KIAA1549L: variants seen among roughly 807,000 people sequenced by gnomAD.
The protein encoded by KIAA1549L is UPF0606 protein KIAA1549L.
KIAA1549L carries 88 observed loss-of-function variants against 160.7 expected under a neutral mutation model. The ratio of observed to expected loss-of-function variants is 0.55; its 90% CI spans 0.46 to 0.65. KIAA1549L has a LOEUF of 0.65. Among genes scored for constraint, KIAA1549L ranks in the 30% least tolerant of loss-of-function variants. The pLI is 0.00. For synonymous variants in KIAA1549L, 950 were observed against 976.7 expected (o/e 0.97, Z 0.51); for missense variants, 2,258 against 2,437.5 (o/e 0.93, Z 1.55).
chr11:33,656,577 T>C (rs996486221), intron 18 of KIAA1549L, among the ~76,000 whole-genome samples: 3 of 152,168 alleles, frequency 2.0e-5, no homozygotes, highest in African/African-American at 4.8e-5. Flanking sequence ...GCAACACATA[T>C]GTTAAGCATG....
At chr11:33,538,121 A>G (rs916029668) in intron 1 of KIAA1549L, among the ~76,000 whole-genome samples, 14 of 152,222 alleles carry the variant, frequency 9.2e-5, no homozygotes, top group African/African-American at 3.1e-4. Context: ...ACAAGGTGGC[A>G]GGAAGGTAAA....
intron 1 of KIAA1549L, among the ~76,000 whole-genome samples, chr11:33,404,613 G>C (rs1178435685): frequency 6.6e-6 from 1 of 152,106 alleles, no homozygotes; most frequent in Non-Finnish European, 1.5e-5. Context: ...AAAAGAAAAA[G>C]AGATGAAGGT....
At chr11:33,569,979 A>C (rs1007336447) in intron 9 of KIAA1549L, among the ~76,000 whole-genome samples, 2 of 147,026 alleles carry the variant, frequency 1.4e-5, no homozygotes, top group African/African-American at 5.0e-5. Flanking sequence ...GGGCCCAGAG[A>C]GGTGTTCTTT....
intron 1 of KIAA1549L, among the ~76,000 whole-genome samples, chr11:33,487,396 ATTGTT>A (rs1852552392): frequency 8.8e-6 from 1 of 113,372 alleles, no homozygotes; most frequent in African/African-American, 3.4e-5. Context: ...ACCATGGTCT[ATTGTT>A]CTTTTTTTTT....
chr11:33,431,694 G>T (rs190172233), intron 1 of KIAA1549L, among the ~76,000 whole-genome samples: 1 of 152,242 alleles, frequency 6.6e-6, no homozygotes, highest in Non-Finnish European at 1.5e-5. Flanking sequence ...AGTGGATCCC[G>T]CACCGGGGCT....
chr11:33,663,068 CA>C (rs1228322205), intron 20 of KIAA1549L, among the ~76,000 whole-genome samples: 1 of 152,182 alleles, frequency 6.6e-6, no homozygotes, highest in East Asian at 1.9e-4. Flanking sequence ...TGATTTATAG[CA>C]TATGAAAATA....
intron 15 of KIAA1549L, among the ~76,000 whole-genome samples, chr11:33,613,364 A>T (rs959182656): frequency 3.3e-5 from 5 of 152,124 alleles, no homozygotes; most frequent in Admixed American, 3.3e-4. Context: ...AGTGATACTG[A>T]GCTTTTTTCA....
chr11:33,427,720 T>C (rs980449389), intron 1 of KIAA1549L, among the ~76,000 whole-genome samples: 1 of 152,180 alleles, frequency 6.6e-6, no homozygotes, highest in African/African-American at 2.4e-5. Flanking sequence ...ACTACATCTA[T>C]CCACTTCTGA....
In KIAA1549L at chr11:33,542,294, C is replaced by A; in HGVS notation, c.731C>A (p.Pro244His). The A allele has an allele frequency of 1.5e-6, 1 of 652,080 alleles. No homozygotes were observed. The highest frequency in any genetic ancestry group is 2.8e-6 in the Non-Finnish European group (1 of 361,574). The allele number at this position is 652,080 out of a possible 1,614,324, so 40.4% of individuals were successfully genotyped here. ...AGGTCAGACATTCCCCCACTCCTCC[C>A]TCTACCTCCATCCTCTTCATTGGCT... ...PPRSDIPPLL[P>H]LPPSSSLAPD... Residue 244 changes from proline (P) to histidine (H), a missense_variant, in exon 2 of 21, where the codon CCT (proline) becomes CAT (histidine). Around this residue, in one of 6 missense-constraint regions of KIAA1549L, gnomAD observed 540 missense variants for 465.7 expected, o/e 1.16. Transcript: ENST00000658780.
intron 16 of KIAA1549L, among the ~76,000 whole-genome samples, chr11:33,627,837 G>T (rs921850514): frequency 1.6e-3 from 242 of 151,338 alleles, no homozygotes; most frequent in African/African-American, 5.6e-3. Flanking sequence ...GCTTTTGAAT[G>T]TGTTTGCTCT....
chr11:33,405,839 C>CAAAAAAAAAAA (rs35479859), intron 1 of KIAA1549L, among the ~76,000 whole-genome samples: 7 of 68,870 alleles, frequency 1.0e-4, no homozygotes, highest in Admixed American at 1.9e-4. Flanking sequence ...CAGTCTGTCT[C>CAAAAAAAAAAA]AAAAAAAAAA....
chr11:33,393,002 C>T (rs145602373), intron 1 of KIAA1549L, among the ~76,000 whole-genome samples: 14 of 152,308 alleles, frequency 9.2e-5, no homozygotes, highest in East Asian at 5.8e-4. Flanking sequence ...CTAGTCTTGT[C>T]CCCCTTTAAA....
At chr11:33,480,780 G>A (rs1466455223) in intron 1 of KIAA1549L, among the ~76,000 whole-genome samples, 1 of 152,184 alleles carries the variant, frequency 6.6e-6, no homozygotes, top group Admixed American at 6.6e-5. Flanking sequence ...ACTCTGCAGT[G>A]AGACTGCCAC....
chr11:33,556,629 T>C (rs1276002994), intron 6 of KIAA1549L, among the ~76,000 whole-genome samples: 1 of 152,206 alleles, frequency 6.6e-6, no homozygotes, highest in Non-Finnish European at 1.5e-5. Context: ...ATTTCTCTTA[T>C]AAAAGATATC....
chr11:33,665,232 G>A (rs1312990165), intron 20 of KIAA1549L: 1 of 152,304 alleles, frequency 6.6e-6, no homozygotes, highest in Non-Finnish European at 1.5e-5. Context: ...AGGTGAAAAG[G>A]AGGTTTATTT....
chr11:33,606,090 A>G (rs545583942), intron 13 of KIAA1549L, among the ~76,000 whole-genome samples: 2 of 152,192 alleles, frequency 1.3e-5, no homozygotes, highest in East Asian at 3.9e-4. Context: ...CAAATAAACC[A>G]AAACCCAAAT....
intron 20 of KIAA1549L, 71 bp downstream of exon 20, chr11:33,661,085 AG>A: frequency 1.4e-6 from 2 of 1,433,000 alleles, no homozygotes; most frequent in Non-Finnish European, 9.5e-7. Context: ...ATTAGATAAA[AG>A]GTTGAGACTG....
At chr11:33,609,671 G>C in intron 14 of KIAA1549L, 78 bp from the exon 15 acceptor site, 1 of 1,186,412 alleles carries the variant, frequency 8.4e-7, no homozygotes, top group Non-Finnish European at 1.2e-6. Flanking sequence ...TTTTAGAAGT[G>C]ATAACCTCCT....
At chr11:33,472,463 A>C (rs895734588) in intron 1 of KIAA1549L, among the ~76,000 whole-genome samples, 1 of 151,998 alleles carries the variant, frequency 6.6e-6, no homozygotes, top group African/African-American at 2.4e-5. Context: ...CCTCCTGCCT[A>C]CATTAATTGA....
Sources: allele counts gnomAD v4.1 joint callset (sites outside exome capture counted in the v4.1 genomes callset), GRCh38; gene constraint gnomAD v4.1.1; regional missense constraint gnomAD v4.1.1; transcripts MANE v1.5; gene names NCBI Gene and HGNC (gene_info 2026-07-23, HGNC 2026-07-21).